Variants in PAN3 observed in about 807,000 individuals in gnomAD.
PAN3 encodes the protein poly(A) specific ribonuclease subunit PAN3.
PAN3 carries 19 observed loss-of-function variants against 96.2 expected under a neutral mutation model. The observed-to-expected ratio is 0.20, with a 90% CI of 0.14 to 0.29. The LOEUF (loss-of-function observed/expected upper bound fraction) is 0.29. Among genes scored for constraint, PAN3 ranks in the 10% least tolerant of loss-of-function variants. The pLI is 1.00. For missense variants in PAN3, 882 were observed against 1,108.1 expected (o/e 0.80, Z 2.90); for synonymous variants, 433 against 406.6 (o/e 1.06, Z -0.78).
At chr13:28,265,177 A>G (rs369459482) in intron 9 of PAN3, among the ~76,000 whole-genome samples, 6 of 152,366 alleles carry the variant, frequency 3.9e-5, no homozygotes, top group African/African-American at 1.4e-4. Context: ...TAAATGCGCA[A>G]AAGTAAAAGT....
intron 2 of PAN3, among the ~76,000 whole-genome samples, chr13:28,175,340 G>A (rs1279445450): frequency 1.3e-5 from 2 of 152,136 alleles, no homozygotes; most frequent in Non-Finnish European, 2.9e-5. Flanking sequence ...AACCTTCTAG[G>A]CACAAGCAAT....
chr13:28,170,068 TAATA>T (rs1874107602), intron 1 of PAN3, among the ~76,000 whole-genome samples: 1 of 150,970 alleles, frequency 6.6e-6, no homozygotes, highest in Non-Finnish European at 1.5e-5. Flanking sequence ...AATACAATAA[TAATA>T]ATAATAATTT....
At chr13:28,157,487 A>C (rs982862834) in intron 1 of PAN3, among the ~76,000 whole-genome samples, 4 of 152,176 alleles carry the variant, frequency 2.6e-5, no homozygotes, top group Non-Finnish European at 5.9e-5. Context: ...AAGCTCCTAA[A>C]TCTGACAAAC....
intron 4 of PAN3, among the ~76,000 whole-genome samples, chr13:28,179,518 C>A (rs574703606): frequency 6.2e-4 from 94 of 152,142 alleles, no homozygotes; most frequent in African/African-American, 2.2e-3. Context: ...AGTTTGAGAC[C>A]AGTATGTATA....
chr13:28,277,427 CAG>C, intron 15 of PAN3, 51 bp downstream of exon 15: 1 of 1,542,062 alleles, frequency 6.5e-7, no homozygotes, highest in Non-Finnish European at 8.7e-7. Flanking sequence ...TGCGATAAGA[CAG>C]AGCTTTTTTT....
At chr13:28,227,989 T>C (rs1300582262) in intron 6 of PAN3, among the ~76,000 whole-genome samples, 1 of 152,242 alleles carries the variant, frequency 6.6e-6, no homozygotes, top group Non-Finnish European at 1.5e-5. Flanking sequence ...ATCTGTTTCA[T>C]AGCTGAACGT....
chr13:28,162,279 A>G (rs963473917), intron 1 of PAN3, among the ~76,000 whole-genome samples: 1 of 152,192 alleles, frequency 6.6e-6, no homozygotes, highest in Non-Finnish European at 1.5e-5. Flanking sequence ...CCGATAAAGA[A>G]AAGGATGGTG....
At chr13:28,247,078 T>C (rs562898808) in intron 6 of PAN3, among the ~76,000 whole-genome samples, 11 of 152,222 alleles carry the variant, frequency 7.2e-5, no homozygotes, top group Non-Finnish European at 1.5e-4. Flanking sequence ...TCCTCACCAG[T>C]ATTCATTATT....
intron 5 of PAN3, chr13:28,215,903 A>G: frequency 7.9e-7 from 1 of 1,273,842 alleles, no homozygotes; most frequent in Non-Finnish European, 1.1e-6. Flanking sequence ...AATGAATATT[A>G]TCCCTAATAC....
chr13:28,284,873 A>G (rs986885174), intron 17 of PAN3, among the ~76,000 whole-genome samples: 3 of 152,186 alleles, frequency 2.0e-5, no homozygotes, highest in Non-Finnish European at 4.4e-5. Flanking sequence ...TTAAAAAAAA[A>G]TCAATAAACC....
At chr13:28,162,352 A>C (rs1872980610) in intron 1 of PAN3, among the ~76,000 whole-genome samples, 1 of 152,142 alleles carries the variant, frequency 6.6e-6, no homozygotes, top group African/African-American at 2.4e-5. Flanking sequence ...CTGTACTGTC[A>C]TCTGGCATCT....
chr13:28,172,557 AC>A (rs1167104413), intron 1 of PAN3, among the ~76,000 whole-genome samples: 5 of 152,216 alleles, frequency 3.3e-5, no homozygotes, highest in African/African-American at 1.2e-4. Flanking sequence ...CATCCCTGTC[AC>A]CCAGCTTCAA....
chr13:28,149,555 G>A (rs970028699), intron 1 of PAN3, among the ~76,000 whole-genome samples: 2 of 152,068 alleles, frequency 1.3e-5, no homozygotes, highest in African/African-American at 4.8e-5. Context: ...TTTCATTTGG[G>A]TATGTAATAA....
At chr13:28,210,961 C>G (rs1490622806) in intron 5 of PAN3, among the ~76,000 whole-genome samples, 3 of 152,022 alleles carry the variant, frequency 2.0e-5, no homozygotes, top group Non-Finnish European at 2.9e-5. Flanking sequence ...CTGGAGGGTA[C>G]TGGTGTAGAG....
At chr13:28,145,664 C>T (rs990654244) in intron 1 of PAN3, among the ~76,000 whole-genome samples, 3 of 151,264 alleles carry the variant, frequency 2.0e-5, no homozygotes, top group Admixed American at 6.6e-5. Context: ...TTTAAGGAGA[C>T]GAGCTGGCCT....
At chr13:28,188,031 G>A (rs1876714818) in intron 4 of PAN3, among the ~76,000 whole-genome samples, 1 of 152,128 alleles carries the variant, frequency 6.6e-6, no homozygotes, top group Admixed American at 6.5e-5. Flanking sequence ...AATGATCTAT[G>A]TTTTATTAAT....
At chr13:28,158,335 A>C (rs1339956084) in intron 1 of PAN3, among the ~76,000 whole-genome samples, 5 of 152,238 alleles carry the variant, frequency 3.3e-5, no homozygotes, top group Non-Finnish European at 7.3e-5. Context: ...CAACAACAAA[A>C]AATTGACAAA....
At position 28,138,878 on chromosome 13, in the gene PAN3, G is replaced by T; in HGVS notation, c.221G>T (p.Gly74Val). Residue 74 changes from glycine to valine, a missense_variant, in exon 1 of 19, where the codon GGG becomes GTG. Physicochemically the swap from Gly to Val is moderately radical, Grantham distance 109. This residue lies in a region of PAN3 where 442 missense variants were observed against 422.8 expected (regional missense o/e 1.05). Transcript: ENST00000380958. ...TTCCTGCATGAGGACCCTGCCGCCG[G>T]GGCTGCCCCGGGCCTCGGCCTCCAT... ...CQFLHEDPAA[G>V]AAPGLGLHSN... The T allele has an allele frequency of 7.1e-7, 1 of 1,415,186 alleles. No individual in the cohort carries two copies. The highest frequency in any genetic ancestry group is 9.2e-7 in the Non-Finnish European group (1 of 1,088,612). The allele number at this position is 1,415,186 out of a possible 1,614,324, so 87.7% of individuals were successfully genotyped here. A position where few individuals can be genotyped will look rare whatever the true frequency, so the allele number is the denominator to read the frequency against.
chr13:28,284,376 T>A (rs902293798), intron 17 of PAN3, among the ~76,000 whole-genome samples: 1 of 149,658 alleles, frequency 6.7e-6, no homozygotes, highest in African/African-American at 2.6e-5. Flanking sequence ...TTCACTCTTT[T>A]TGTGATTTTT....
Sources: allele counts gnomAD v4.1 joint callset (sites outside exome capture counted in the v4.1 genomes callset), GRCh38; gene constraint gnomAD v4.1.1; regional missense constraint gnomAD v4.1.1; transcripts MANE v1.5; gene names NCBI Gene and HGNC (gene_info 2026-07-23, HGNC 2026-07-21).